Variants in GPC6 observed in about 807,000 individuals in gnomAD.
GPC6 encodes glypican-6.
A neutral mutation model predicts 55.2 loss-of-function variants in GPC6; 14 were observed. The observed-to-expected ratio is 0.25, with a 90% CI of 0.17 to 0.40. The LOEUF is 0.40. Among genes scored for constraint, GPC6 ranks in the 10% least tolerant of loss-of-function variants. The pLI, the probability that GPC6 is intolerant of heterozygous loss-of-function variation, is 1.00. For synonymous variants in GPC6, 278 were observed against 259.6 expected, an observed-to-expected ratio of 1.07 and a Z score of -0.68; for missense variants, 641 against 708.5, an observed-to-expected ratio of 0.90 and a Z score of 1.08.
intron 3 of GPC6, among the ~76,000 whole-genome samples, chr13:93,927,301 G>A (rs1877911351): frequency 6.6e-6 from 1 of 152,120 alleles, no homozygotes; most frequent in Non-Finnish European, 1.5e-5. Flanking sequence ...TGCAAAGATA[G>A]ACTATGAATA....
chr13:93,399,918 A>G (rs547642686), intron 1 of GPC6, among the ~76,000 whole-genome samples: 1 of 152,310 alleles, frequency 6.6e-6, no homozygotes, highest in East Asian at 1.9e-4. Flanking sequence ...TGTTGCTAGA[A>G]CTTAGGGAGT....
At chr13:93,225,656 G>A (rs1566530199), upstream of GPC6, among the ~76,000 whole-genome samples, 1 of 152,070 alleles carries the variant, frequency 6.6e-6, no homozygotes, top group African/African-American at 2.4e-5. Flanking sequence ...GTTAGGAGAG[G>A]GGGAATTTAT....
chr13:93,342,166 G>A (rs575171100), intron 1 of GPC6, among the ~76,000 whole-genome samples: 1 of 152,182 alleles, frequency 6.6e-6, no homozygotes, highest in African/African-American at 2.4e-5. Flanking sequence ...TGAGAGGTTA[G>A]GATTGAGTTG....
intron 2 of GPC6, among the ~76,000 whole-genome samples, chr13:93,720,726 C>G (rs978074396): frequency 2.6e-5 from 4 of 152,020 alleles, no homozygotes; most frequent in African/African-American, 9.7e-5. Context: ...TCCCTCTAAA[C>G]ACTGCTTTAG....
At chr13:94,186,080 A>AAAAAAT (rs1555305226) in intron 4 of GPC6, among the ~76,000 whole-genome samples, 6 of 149,404 alleles carry the variant, frequency 4.0e-5, no homozygotes, top group Non-Finnish European at 7.4e-5. Flanking sequence ...AAAAAAAAAA[A>AAAAAAT]GGTTTTCTTA....
At chr13:93,787,581 A>G (rs1246055331) in intron 2 of GPC6, among the ~76,000 whole-genome samples, 1 of 152,186 alleles carries the variant, frequency 6.6e-6, no homozygotes, top group East Asian at 1.9e-4. Context: ...AGATGTATAT[A>G]TGTTCAGGTA....
chr13:93,673,640 G>A (rs1447887848), intron 2 of GPC6, among the ~76,000 whole-genome samples: 4 of 152,138 alleles, frequency 2.6e-5, no homozygotes, highest in Middle Eastern at 6.8e-3. Flanking sequence ...CTTTCCTCAG[G>A]TAAAGTGAAA....
chr13:93,833,613 T>C (rs1229784073), intron 3 of GPC6, among the ~76,000 whole-genome samples: 1 of 152,174 alleles, frequency 6.6e-6, no homozygotes, highest in Admixed American at 6.5e-5. Flanking sequence ...TTATGGTGAC[T>C]TTTTAATCTT....
intron 6 of GPC6, among the ~76,000 whole-genome samples, chr13:94,328,439 G>A (rs1450726438): frequency 6.6e-6 from 1 of 152,202 alleles, no homozygotes; most frequent in Non-Finnish European, 1.5e-5. Context: ...GGTTTCCAGT[G>A]GAGAGAGGGA....
Position 94,403,586 on chromosome 13 carries a change from T to G in GPC6, c.*369T>G, listed in dbSNP as rs1232433439. The G allele has an allele frequency of 7.2e-6, 2 of 279,350 alleles. No homozygotes were observed. Among genetic ancestry groups the G allele is most frequent in the East Asian group, 1.7e-4 (2 of 11,462 alleles). 17.3% of individuals were successfully genotyped at this position (279,350 alleles called of 1,614,324 possible). On this transcript the variant is annotated 3_prime_UTR_variant, in exon 9 of 9. Coordinates refer to ENST00000377047, the MANE Select transcript of GPC6 (RefSeq NM_005708.5). Reference sequence around the variant, plus strand: ...AATAAAAAAGGAAGAAAGAAAATAATTTTCCTTGTAAAATCGGGCCAAACC... The same window carrying G: ...AATAAAAAAGGAAGAAAGAAAATAAGTTTCCTTGTAAAATCGGGCCAAACC...
chr13:93,540,510 A>G (rs184012196), intron 1 of GPC6, among the ~76,000 whole-genome samples: 20 of 152,190 alleles, frequency 1.3e-4, no homozygotes, highest in Admixed American at 7.2e-4. Context: ...CCTTTTCTAG[A>G]AATTTAATAA....
chr13:93,496,265 C>T (rs1054079753), intron 1 of GPC6, among the ~76,000 whole-genome samples: 4 of 152,180 alleles, frequency 2.6e-5, no homozygotes, highest in Admixed American at 6.5e-5. Context: ...GCACAATATT[C>T]GGGTGGGAGT....
intron 1 of GPC6, among the ~76,000 whole-genome samples, chr13:93,436,438 T>G (rs928121292): frequency 6.6e-6 from 1 of 152,196 alleles, no homozygotes; most frequent in Non-Finnish European, 1.5e-5. Flanking sequence ...CAAACTGATA[T>G]GTATTTAACT....
intron 2 of GPC6, among the ~76,000 whole-genome samples, chr13:93,699,933 A>G (rs939938424): frequency 2.0e-5 from 3 of 152,052 alleles, no homozygotes; most frequent in Admixed American, 2.0e-4. Flanking sequence ...TATGATCAGT[A>G]TCAGGTAAAC....
At chr13:93,453,829 G>A (rs925656670) in intron 1 of GPC6, among the ~76,000 whole-genome samples, 1 of 152,088 alleles carries the variant, frequency 6.6e-6, no homozygotes, top group Non-Finnish European at 1.5e-5. Context: ...ACAGTGAGCA[G>A]TAGCAAGATT....
Position 94,027,770 on chromosome 13 carries a change from G to A in GPC6, c.753G>A (p.Met251Ile), listed in dbSNP as rs1364187942. 2 of 1,613,978 alleles carry A rather than the reference G, an allele frequency of 1.2e-6. No individual in the cohort carries two copies. Among genetic ancestry groups the A allele is most frequent in the African/African-American group, 1.3e-5 (1 of 74,904 alleles). Residue 251 changes from methionine to isoleucine, a missense_variant, in exon 4 of 9, where the codon ATG (methionine) becomes ATA (isoleucine). Transcript: ENST00000377047. ...GGTGTATCCGTGCCCTCATGAAGAT[G>A]CTGTACTGCCCATACTGTCGGGGGC... is the stretch of plus-strand genomic sequence containing the variant. ...TPGCIRALMK[M>I]LYCPYCRGLP...
chr13:93,574,470 T>C (rs556605077), intron 2 of GPC6, among the ~76,000 whole-genome samples: 2 of 152,238 alleles, frequency 1.3e-5, no homozygotes, highest in South Asian at 4.1e-4. Context: ...ATGGCCCTGC[T>C]TACTTTCTTG....
At chr13:93,717,576 T>C (rs1264062613) in intron 2 of GPC6, among the ~76,000 whole-genome samples, 1 of 151,688 alleles carries the variant, frequency 6.6e-6, no homozygotes, top group Non-Finnish European at 1.5e-5. Context: ...ATGATGCTGA[T>C]TTCACTCAGT....
chr13:94,277,778 C>T (rs1186295233), intron 4 of GPC6, among the ~76,000 whole-genome samples: 5 of 152,070 alleles, frequency 3.3e-5, no homozygotes, highest in African/African-American at 9.7e-5. Context: ...CTGTTCTGTT[C>T]CATTGGTCTA....
Sources: allele counts gnomAD v4.1 joint callset (sites outside exome capture counted in the v4.1 genomes callset), GRCh38; gene constraint gnomAD v4.1.1; transcripts MANE v1.5; gene names NCBI Gene and HGNC (gene_info 2026-07-23, HGNC 2026-07-21).